Variants in FER observed in about 807,000 individuals in gnomAD.
FER encodes the protein FER tyrosine kinase.
In FER, 63 loss-of-function variants were observed where a neutral mutation model predicts 111.0. The ratio of observed to expected loss-of-function variants is 0.57; its 90% CI spans 0.46 to 0.70. FER has a LOEUF of 0.70. FER is among the 30% of genes least tolerant of loss of function. FER has a pLI of 0.00. For synonymous variants in FER, 327 were observed against 313.9 expected (o/e 1.04, Z -0.44); for missense variants, 914 against 954.0 (o/e 0.96, Z 0.55).
intron 13 of FER, among the ~76,000 whole-genome samples, chr5:109,012,992 A>G (rs1171605813): frequency 6.6e-6 from 1 of 151,164 alleles, no homozygotes; most frequent in Non-Finnish European, 1.5e-5. Flanking sequence ...GAGCGGAATT[A>G]CCTGTTACTA....
intron 17 of FER, among the ~76,000 whole-genome samples, chr5:109,116,411 G>T (rs1750239879): frequency 7.3e-6 from 1 of 136,208 alleles, no homozygotes; most frequent in Non-Finnish European, 1.6e-5. Context: ...TGCTCTGTCA[G>T]ATTATTCCCC....
At chr5:108,984,132 C>G (rs935277246) in intron 13 of FER, among the ~76,000 whole-genome samples, 2 of 151,988 alleles carry the variant, frequency 1.3e-5, no homozygotes, top group Non-Finnish European at 2.9e-5. Flanking sequence ...TCTGTCCTTT[C>G]CTTTGCTTGT....
At chr5:109,059,574 C>G (rs1466822779) in intron 16 of FER, among the ~76,000 whole-genome samples, 1 of 152,122 alleles carries the variant, frequency 6.6e-6, no homozygotes, top group Non-Finnish European at 1.5e-5. Flanking sequence ...GTCTCCTTCC[C>G]TTATTTCTTT....
intron 17 of FER, among the ~76,000 whole-genome samples, chr5:109,114,232 A>G (rs1396885411): frequency 2.0e-5 from 3 of 152,152 alleles, no homozygotes; most frequent in Non-Finnish European, 4.4e-5. Context: ...TGGTGATTGT[A>G]GCATACCCAG....
intron 13 of FER, among the ~76,000 whole-genome samples, chr5:108,969,638 T>A (rs1760369021): frequency 6.9e-6 from 1 of 145,846 alleles, no homozygotes; most frequent in South Asian, 2.1e-4. Context: ...ATGTATTACC[T>A]ATTCAAAAGG....
intron 10 of FER, among the ~76,000 whole-genome samples, chr5:108,940,965 C>T (rs1454005343): frequency 6.6e-6 from 1 of 152,056 alleles, no homozygotes; most frequent in Non-Finnish European, 1.5e-5. Context: ...CCTTCAAAGA[C>T]TAGGCTGGGG....
intron 13 of FER, among the ~76,000 whole-genome samples, chr5:109,000,571 C>T (rs955068081): frequency 6.6e-6 from 1 of 151,838 alleles, no homozygotes; most frequent in Admixed American, 6.6e-5. Context: ...AAAATTGACA[C>T]CCTAACATCA....
At chr5:109,141,044 G>C (rs1189704879) in intron 17 of FER, among the ~76,000 whole-genome samples, 2 of 152,096 alleles carry the variant, frequency 1.3e-5, no homozygotes, top group South Asian at 2.1e-4. Context: ...GAGCAGCTCT[G>C]AGGTCTTTAT....
chr5:109,128,971 A>G (rs1205400475), intron 17 of FER, among the ~76,000 whole-genome samples: 3 of 152,100 alleles, frequency 2.0e-5, no homozygotes, highest in Admixed American at 1.3e-4. Flanking sequence ...AGACATGGAT[A>G]TATGTAAAAA....
intron 8 of FER, among the ~76,000 whole-genome samples, chr5:108,876,330 A>G (rs1324107854): frequency 2.0e-5 from 3 of 152,228 alleles, no homozygotes; most frequent in Non-Finnish European, 4.4e-5. Context: ...CTTACCTGCT[A>G]TCTGTGGGTG....
rs76639540 is a variant in FER, at chr5:109,102,155, T to C, written c.2048+1636T>C. On this transcript the variant is annotated intron_variant, in intron 17 of 19. Transcript: ENST00000281092. ...ACATTGTAGATGGCAGTTAGCTTTT[T>C]TGAATTCATTTCCCTCTCTAAATCA... Among the ~76,000 whole-genome samples the C allele has an allele frequency of 4.8e-3, 736 of 152,258 alleles. 6 individuals carry two copies. Among genetic ancestry groups the C allele is most frequent in the African/African-American group, 0.017 (702 of 41,558 alleles).
At chr5:109,145,678 C>G (rs1754013519) in intron 17 of FER, among the ~76,000 whole-genome samples, 1 of 151,974 alleles carries the variant, frequency 6.6e-6, no homozygotes. Context: ...GATCTTTATT[C>G]AAGTGTGGTA....
intron 13 of FER, among the ~76,000 whole-genome samples, chr5:109,028,377 GA>G (rs557580739): frequency 6.2e-4 from 95 of 152,258 alleles, no homozygotes; most frequent in African/African-American, 2.2e-3. Flanking sequence ...AATAGAACTT[GA>G]AACTTAAAAT....
chr5:108,945,321 T>C (rs1467457370), intron 10 of FER, among the ~76,000 whole-genome samples: 1 of 152,106 alleles, frequency 6.6e-6, no homozygotes, highest in Non-Finnish European at 1.5e-5. Context: ...GCTTTGCTCT[T>C]GGTGCCCTTC....
chr5:109,183,954 A>C (rs928255719), intron 18 of FER, among the ~76,000 whole-genome samples: 1 of 152,176 alleles, frequency 6.6e-6, no homozygotes, highest in Admixed American at 6.5e-5. Context: ...CTCTTCTCAT[A>C]AGTGGCTGAG....
intron 16 of FER, among the ~76,000 whole-genome samples, chr5:109,083,861 C>T (rs1477575990): frequency 6.6e-6 from 1 of 152,022 alleles, no homozygotes; most frequent in African/African-American, 2.4e-5. Context: ...CATCTAGGCT[C>T]ATCCCCAATA....
chr5:108,845,838 A>G (rs1475605747), intron 5 of FER, among the ~76,000 whole-genome samples: 1 of 152,156 alleles, frequency 6.6e-6, no homozygotes, highest in East Asian at 1.9e-4. Context: ...GATCTTGTCA[A>G]ATGCTCTTTC....
At chr5:108,878,188 G>T (rs59821709) in intron 8 of FER, among the ~76,000 whole-genome samples, 34,194 of 151,762 alleles carry the variant, frequency 0.23, 4,012 homozygotes, top group African/African-American at 0.28. Flanking sequence ...ATTACATTCG[G>T]GAGCCAACAT....
chr5:108,969,616 T>TTTTTTTTTTTTTTTGA (rs1561695264), intron 13 of FER, among the ~76,000 whole-genome samples: 1 of 149,050 alleles, frequency 6.7e-6, no homozygotes, highest in African/African-American at 2.6e-5. Context: ...TTAATTTTTT[T>TTTTTTTTTTTTTTTGA]GAACACTGTG....
Sources: gnomAD v4.1 joint callset for allele counts (sites outside exome capture counted in the v4.1 genomes callset) on GRCh38, gnomAD v4.1.1 for gene constraint, MANE v1.5 for transcripts, NCBI Gene and HGNC (gene_info 2026-07-23, HGNC 2026-07-21) for gene names.